The following ATRX variants were observed in gnomAD, a reference collection of about 807,000 sequenced individuals.
ATRX encodes the protein ATRX chromatin remodeler, also known as chromatin remodeler ATRX.
ATRX carries 12 observed loss-of-function variants against 172.6 expected under a neutral mutation model. The ratio of observed to expected loss-of-function variants is 0.07; its 90% CI spans 0.04 to 0.11. ATRX has a LOEUF of 0.11. Ranked by LOEUF, ATRX falls within the 10% of genes least tolerant of loss-of-function variation. The pLI is 1.00. For missense variants in ATRX, 1,368 were observed against 1,767.4 expected, an observed-to-expected ratio of 0.77 and a Z score of 4.05; for synonymous variants, 674 against 594.7, an observed-to-expected ratio of 1.13 and a Z score of -1.94.
chrX:77,545,474 T>C (rs150235542), intron 30 of ATRX, among the ~76,000 whole-genome samples: 6 of 111,210 alleles, frequency 5.4e-5, no homozygotes, highest in Admixed American at 3.8e-4. Flanking sequence ...ATTACCAATA[T>C]GGAATTCAAA....
chrX:77,688,031 G>A (rs113605004), intron 7 of ATRX, among the ~76,000 whole-genome samples: 1 of 111,182 alleles, frequency 9.0e-6, no homozygotes, highest in Non-Finnish European at 1.9e-5. Context: ...TCCACCTCCC[G>A]GGTTCAAGCG....
Position 77,693,888 on chromosome X carries a change from A to C in ATRX, c.420T>G (p.Asp140Glu). The C allele has an allele frequency of 8.3e-7, 1 of 1,210,200 alleles. No homozygotes were observed. Among genetic ancestry groups the C allele is most frequent in the African/African-American group, 1.7e-5 (1 of 57,764 alleles). Reference protein sequence around the residue: ...PEPVLNEDKDDFKGPEFRSRS... With the variant: ...PEPVLNEDKDEFKGPEFRSRS... ...TGCTTCTAAATTCAGGCCCTTTAAA[A>C]TCATCTTTGTCTTCATTCAGCACTG... The change falls in exon 6 of 35, where the codon GAT (aspartate) becomes GAG (glutamate). Residue 140 changes from aspartate (D) to glutamate (E), a missense_variant. Asp to Glu is a conservative substitution (Grantham distance 45). Coordinates refer to ENST00000373344, the MANE Select transcript of ATRX (RefSeq NM_000489.6).
At position 77,523,357 on chromosome X, in the gene ATRX, A is replaced by G; in HGVS notation, c.6744T>C (p.Ile2248=). 1 of 1,209,138 alleles carries G rather than the reference A, an allele frequency of 8.3e-7. No individual in the cohort carries two copies. Among genetic ancestry groups the G allele is most frequent in the African/African-American group, 1.7e-5 (1 of 57,773 alleles). Residue 2248 remains isoleucine (I), a synonymous_variant, in exon 31 of 35, where the codon ATT becomes ATC. Coordinates refer to ENST00000373344, the MANE Select transcript of ATRX (RefSeq NM_000489.6). ...AELLQIHKEH[I]VGYHEHDSLL... is the part of the protein sequence containing the mutation. ...GAGAATCATGTTCATGGTATCCTAC[A>G]ATGTGTTCTTTATGTATCTGAAGGA...
chrX:77,622,964 CACAA>C (rs1433239948), intron 19 of ATRX, among the ~76,000 whole-genome samples: 2 of 110,124 alleles, frequency 1.8e-5, no homozygotes, highest in Non-Finnish European at 3.8e-5. Context: ...TCCGAAAGAG[CACAA>C]ACAGACAATC....
At chrX:77,578,057 C>G (rs2065691333) in intron 27 of ATRX, among the ~76,000 whole-genome samples, 3 of 111,384 alleles carry the variant, frequency 2.7e-5, no homozygotes, top group Non-Finnish European at 5.7e-5. Context: ...GTGCAGTGAT[C>G]ATAGGACTTT....
At chrX:77,511,432 T>C (rs1227270202) in intron 34 of ATRX, among the ~76,000 whole-genome samples, 2 of 110,921 alleles carry the variant, frequency 1.8e-5, no homozygotes, top group East Asian at 5.6e-4. Flanking sequence ...ATCAAGACCA[T>C]CCAGGAAACA....
At chrX:77,546,141 T>C (rs1202675405) in intron 30 of ATRX, among the ~76,000 whole-genome samples, 1 of 111,406 alleles carries the variant, frequency 9.0e-6, no homozygotes, top group African/African-American at 3.3e-5. Context: ...TATAGTGTAA[T>C]GGTTAAAGAG....
intron 1 of ATRX, among the ~76,000 whole-genome samples, chrX:77,725,373 AG>A (rs1174859373): frequency 1.8e-5 from 2 of 112,290 alleles, no homozygotes; most frequent in African/African-American, 6.5e-5. Context: ...AAATGGGGAA[AG>A]AATTCCCTAT....
intron 30 of ATRX, among the ~76,000 whole-genome samples, chrX:77,555,885 A>G (rs781989107): frequency 9.1e-6 from 1 of 109,870 alleles, no homozygotes; most frequent in South Asian, 4.0e-4. Context: ...AAAAAGAACA[A>G]AAAAAAGGAC....
intron 32 of ATRX, 138 bp from the exon 33 acceptor site, chrX:77,521,636 G>C: frequency 2.1e-6 from 1 of 467,920 alleles, no homozygotes; most frequent in Non-Finnish European, 3.8e-6. Flanking sequence ...GCAAAATTCA[G>C]TATCAATAAA....
intron 6 of ATRX, chrX:77,690,820 CTTTGGTGCATACATCGCTCA>C (rs1404345693): frequency 5.3e-5 from 6 of 112,242 alleles, no homozygotes; most frequent in Non-Finnish European, 7.5e-5. Context: ...CTTCTATGTG[CTTTGGTGCATACATCGCTCA>C]AGAATTAAAC....
chrX:77,546,218 A>G (rs781974099), intron 30 of ATRX, among the ~76,000 whole-genome samples: 1 of 111,558 alleles, frequency 9.0e-6, no homozygotes, highest in African/African-American at 3.3e-5. Context: ...CCATAATTTC[A>G]TCAGAAAATA....
Position 77,725,072 on chromosome X carries a change from T to G in ATRX, c.21-7829A>C, listed in dbSNP as rs144576456. On this transcript the variant is annotated intron_variant, in intron 1 of 34. Coordinates refer to ENST00000373344, the MANE Select transcript of ATRX (RefSeq NM_000489.6). Reference sequence around the variant, plus strand: ...TCCTCCCTCTACAAAAACTTGAAGCTGACTCAACCAGCACTATGTTATACC... The same window carrying G: ...TCCTCCCTCTACAAAAACTTGAAGCGGACTCAACCAGCACTATGTTATACC... 7.8e-3 allele frequency among the ~76,000 whole-genome samples: 871 copies of G among 112,133 alleles called. 9 individuals carry two copies. Among genetic ancestry groups the G allele is most frequent in the African/African-American group, 0.027 (842 of 30,859 alleles).
chrX:77,615,720 C>T (rs2067326971), intron 22 of ATRX, among the ~76,000 whole-genome samples: 1 of 111,230 alleles, frequency 9.0e-6, no homozygotes. Flanking sequence ...TTCTTGAGAA[C>T]CATCATATTT....
intron 30 of ATRX, among the ~76,000 whole-genome samples, chrX:77,541,081 A>T (rs1238372558): frequency 8.9e-6 from 1 of 112,080 alleles, no homozygotes; most frequent in Non-Finnish European, 1.9e-5. Flanking sequence ...CCAGACTGAT[A>T]AAGAAGAAAG....
At chrX:77,778,444 A>C (rs373976785) in intron 1 of ATRX, among the ~76,000 whole-genome samples, 6 of 106,985 alleles carry the variant, frequency 5.6e-5, no homozygotes, top group African/African-American at 1.7e-4. Flanking sequence ...CACAATAGGC[A>C]GGGCGCGGTG....
At chrX:77,579,105 T>C (rs1444142604) in intron 27 of ATRX, among the ~76,000 whole-genome samples, 1 of 112,847 alleles carries the variant, frequency 8.9e-6, no homozygotes, top group Non-Finnish European at 1.9e-5. Flanking sequence ...TTGTTATTTC[T>C]GTGCCAGTTT....
At chrX:77,513,964 A>G (rs981502560) in intron 34 of ATRX, among the ~76,000 whole-genome samples, 2 of 110,513 alleles carry the variant, frequency 1.8e-5, no homozygotes, top group Non-Finnish European at 3.8e-5. Context: ...ACACCAACAA[A>G]AGTCAAGCAA....
chrX:77,599,880 T>C, intron 23 of ATRX, 60 bp from the exon 24 acceptor site: 1 of 925,775 alleles, frequency 1.1e-6, no homozygotes, highest in Non-Finnish European at 1.6e-6. Flanking sequence ...CTGGAAATTA[T>C]ATTGATGTTC....
Sources: allele counts gnomAD v4.1 joint callset (sites outside exome capture counted in the v4.1 genomes callset), GRCh38; gene constraint gnomAD v4.1.1; transcripts MANE v1.5; gene names NCBI Gene and HGNC (gene_info 2026-07-23, HGNC 2026-07-21).